The following LRRC7 variants were observed in gnomAD, a reference collection of about 807,000 sequenced individuals.
LRRC7 encodes leucine-rich repeat-containing protein 7.
In LRRC7, 23 loss-of-function variants were observed where a neutral mutation model predicts 175.7. The observed-to-expected ratio is 0.13, with a 90% CI of 0.09 to 0.19. The LOEUF (loss-of-function observed/expected upper bound fraction) is 0.19. LRRC7 is among the 10% of genes least tolerant of loss of function. LRRC7 has a pLI of 1.00. For synonymous variants in LRRC7, 685 were observed against 680.9 expected, an observed-to-expected ratio of 1.01 and a Z score of -0.09; for missense variants, 1,354 against 1,904.7, an observed-to-expected ratio of 0.71 and a Z score of 5.38.
intron 8 of LRRC7, among the ~76,000 whole-genome samples, chr1:69,961,376 AG>A (rs1306075206): frequency 1.3e-5 from 2 of 152,258 alleles, no homozygotes; most frequent in Non-Finnish European, 2.9e-5. Context: ...ATGAATAAGA[AG>A]AATCAATATC....
intron 10 of LRRC7, 84 bp downstream of exon 10, chr1:69,986,470 G>A (rs529480760): frequency 2.7e-6 from 3 of 1,114,742 alleles, no homozygotes; most frequent in East Asian, 5.1e-5. Flanking sequence ...TATAGATATA[G>A]GTAATATACT....
intron 25 of LRRC7, among the ~76,000 whole-genome samples, chr1:70,100,336 G>T (rs1664722513): frequency 6.6e-6 from 1 of 152,082 alleles, no homozygotes; most frequent in Non-Finnish European, 1.5e-5. Flanking sequence ...CAGCTCTGAA[G>T]AGCATCATCT....
rs1557641337 is a variant in LRRC7, at chr1:69,717,837, AGAAAAAAGAAAGAAAG to A, written c.100+39364_100+39379del. On this transcript the variant is annotated intron_variant, in intron 2 of 26. Coordinates refer to ENST00000651989, the MANE Select transcript of LRRC7 (RefSeq NM_001370785.2). ...AAGAAAGAAAGAAAGAAAGAAAGAAAGAAAAAAGAAAGAAAGGAAAGAAAGAAAGAAAGAAAGAAAG... is the reference window on the plus strand; with the variant it reads ...AAGAAAGAAAGAAAGAAAGAAAGAAAGAAAGAAAGAAAGAAAGAAAGAAAG... Among the ~76,000 whole-genome samples, 256 of 68,468 alleles carry A rather than the reference AGAAAAAAGAAAGAAAG, an allele frequency of 3.7e-3. 4 individuals are homozygous for A. Among genetic ancestry groups the A allele is most frequent in the African/African-American group, 5.1e-3 (70 of 13,668 alleles). 44.9% of individuals were successfully genotyped at this position (68,468 alleles called of 152,430 possible).
intron 8 of LRRC7, among the ~76,000 whole-genome samples, chr1:69,939,035 ATATATCTATATC>A (rs202243473): frequency 0.16 from 15,286 of 96,784 alleles, 1,631 homozygotes; most frequent in Non-Finnish European, 0.21. Context: ...ATATATCTAT[ATATATCTATATC>A]TATCTCACAG....
At chr1:69,707,843 G>C (rs887135368) in intron 2 of LRRC7, among the ~76,000 whole-genome samples, 1 of 152,108 alleles carries the variant, frequency 6.6e-6, no homozygotes, top group Non-Finnish European at 1.5e-5. Context: ...ACAGACCAAG[G>C]TGAGATGCAG....
intron 3 of LRRC7, among the ~76,000 whole-genome samples, chr1:69,781,902 A>G (rs1673763682): frequency 7.9e-6 from 1 of 126,112 alleles, no homozygotes; most frequent in South Asian, 2.5e-4. Context: ...AGGAAGGGAA[A>G]GAAAGAAAAA....
chr1:69,640,190 A>G (rs800922), intron 1 of LRRC7, among the ~76,000 whole-genome samples: 2,664 of 151,830 alleles, frequency 0.018, 78 homozygotes, highest in African/African-American at 0.061. Flanking sequence ...ACCAGATAAC[A>G]TCCATTTCAC....
At chr1:69,948,080 G>A (rs1649532429) in intron 8 of LRRC7, among the ~76,000 whole-genome samples, 1 of 152,060 alleles carries the variant, frequency 6.6e-6, no homozygotes, top group African/African-American at 2.4e-5. Context: ...TCACATCCCA[G>A]GAGAGACAGA....
rs559401309 is a variant in LRRC7 at position 70,139,213 on chromosome 1, C to T, written c.*17326C>T. 6.6e-6 allele frequency: 1 copy of T among 152,202 alleles called. No individual in the cohort carries two copies. The highest frequency in any genetic ancestry group is 6.5e-5 in the Admixed American group (1 of 15,282). 9.4% of individuals were successfully genotyped at this position (152,202 alleles called of 1,614,324 possible). On this transcript the variant is annotated 3_prime_UTR_variant, in exon 27 of 27. Coordinates refer to ENST00000651989, the MANE Select transcript of LRRC7 (RefSeq NM_001370785.2). Reference sequence around the variant, plus strand: ...TACTATCAAACAGCAAGTGATAGAACATTCAGGCGTTTTATTGGATTTCAG... The same window carrying T: ...TACTATCAAACAGCAAGTGATAGAATATTCAGGCGTTTTATTGGATTTCAG...
intron 23 of LRRC7, among the ~76,000 whole-genome samples, chr1:70,063,142 T>G (rs1218664223): frequency 6.6e-6 from 1 of 152,084 alleles, no homozygotes; most frequent in African/African-American, 2.4e-5. Flanking sequence ...ATTATTTCCT[T>G]AATAAAAGTG....
intron 25 of LRRC7, among the ~76,000 whole-genome samples, chr1:70,107,161 A>AT (rs951752227): frequency 1.3e-5 from 2 of 152,234 alleles, no homozygotes; most frequent in African/African-American, 4.8e-5. Context: ...CAATTTAGGG[A>AT]TTTTATAACC....
At chr1:70,066,484 T>G (rs1661983366) in intron 23 of LRRC7, among the ~76,000 whole-genome samples, 1 of 152,056 alleles carries the variant, frequency 6.6e-6, no homozygotes, top group African/African-American at 2.4e-5. Context: ...AGGGTCTGTA[T>G]GTATGTAACC....
chr1:69,893,746 C>T (rs1408691745), intron 7 of LRRC7, among the ~76,000 whole-genome samples: 1 of 152,094 alleles, frequency 6.6e-6, no homozygotes, highest in Non-Finnish European at 1.5e-5. Flanking sequence ...CTAATAATAT[C>T]AAGGCATATG....
At chr1:69,643,774 G>A (rs530565257) in intron 1 of LRRC7, among the ~76,000 whole-genome samples, 57 of 152,048 alleles carry the variant, frequency 3.7e-4, no homozygotes, top group Non-Finnish European at 7.6e-4. Flanking sequence ...ATTGTTTTGA[G>A]GCATCCTCCA....
intron 7 of LRRC7, among the ~76,000 whole-genome samples, chr1:69,917,213 A>G (rs1646746322): frequency 6.6e-6 from 1 of 152,220 alleles, no homozygotes; most frequent in Non-Finnish European, 1.5e-5. Context: ...TCAAATAGTT[A>G]GCATTACTGA....
intron 8 of LRRC7, among the ~76,000 whole-genome samples, chr1:69,963,178 G>T (rs1350564463): frequency 6.6e-6 from 1 of 151,610 alleles, no homozygotes; most frequent in Non-Finnish European, 1.5e-5. Context: ...GGTGGTACAT[G>T]CCTGTAATCC....
intron 3 of LRRC7, among the ~76,000 whole-genome samples, chr1:69,775,096 A>G (rs189514973): frequency 2.0e-5 from 3 of 152,304 alleles, no homozygotes; most frequent in African/African-American, 7.2e-5. Context: ...GAGCTGATCA[A>G]ATTTGACAAT....
chr1:70,088,640 G>A (rs899434278), intron 24 of LRRC7, among the ~76,000 whole-genome samples: 7 of 152,004 alleles, frequency 4.6e-5, no homozygotes, highest in African/African-American at 9.7e-5. Flanking sequence ...CTCTTGGTCC[G>A]AAATCTTTCA....
At chr1:69,821,239 C>G (rs1679257781) in intron 4 of LRRC7, among the ~76,000 whole-genome samples, 1 of 152,052 alleles carries the variant, frequency 6.6e-6, no homozygotes, top group Non-Finnish European at 1.5e-5. Flanking sequence ...TGAGGGTGTC[C>G]CATAAATCCC....
Sources: allele counts gnomAD v4.1 joint callset (sites outside exome capture counted in the v4.1 genomes callset), GRCh38; gene constraint gnomAD v4.1.1; transcripts MANE v1.5; gene names NCBI Gene and HGNC (gene_info 2026-07-23, HGNC 2026-07-21).